The following AGBL1 variants were observed in gnomAD, a reference collection of about 807,000 sequenced individuals.
AGBL1 encodes AGBL carboxypeptidase 1.
AGBL1 carries 130 observed loss-of-function variants against 118.9 expected under a neutral mutation model. The ratio of observed to expected loss-of-function variants is 1.09; its 90% CI spans 0.95 to 1.26. The LOEUF (loss-of-function observed/expected upper bound fraction) is 1.26. Among genes scored for constraint, AGBL1 ranks in the 50% most tolerant of loss-of-function variants. The pLI is 0.00. For synonymous variants in AGBL1, 555 were observed against 478.9 expected, an observed-to-expected ratio of 1.16 and a Z score of -2.08; for missense variants, 1,584 against 1,298.1, an observed-to-expected ratio of 1.22 and a Z score of -3.38.
chr15:86,849,015 A>T (rs1196170923), intron 22 of AGBL1, among the ~76,000 whole-genome samples: 1 of 152,198 alleles, frequency 6.6e-6, no homozygotes, highest in East Asian at 1.9e-4. Flanking sequence ...TTAAGTGGCC[A>T]AACTGGAGTT....
At chr15:86,263,062 G>A (rs2079018238) in intron 10 of AGBL1, among the ~76,000 whole-genome samples, 168 bp downstream of exon 10, 1 of 152,212 alleles carries the variant, frequency 6.6e-6, no homozygotes, top group Non-Finnish European at 1.5e-5. Flanking sequence ...AGTGGGAAAA[G>A]ATGGCAAAAA....
chr15:86,294,298 T>C (rs1228255863), intron 16 of AGBL1, among the ~76,000 whole-genome samples: 2 of 149,522 alleles, frequency 1.3e-5, no homozygotes, highest in African/African-American at 5.0e-5. Flanking sequence ...ACTCAGGAGG[T>C]TGAGGCAGGA....
chr15:86,408,008 G>A (rs947037456), intron 18 of AGBL1, among the ~76,000 whole-genome samples: 6 of 152,148 alleles, frequency 3.9e-5, no homozygotes, highest in African/African-American at 1.2e-4. Context: ...AAGAAGCAGC[G>A]CAGACCAGCA....
chr15:86,982,877 A>C (rs1023755274), intron 23 of AGBL1, among the ~76,000 whole-genome samples: 3 of 152,194 alleles, frequency 2.0e-5, no homozygotes, highest in African/African-American at 7.2e-5. Context: ...TTTTTAACCA[A>C]ATGGGAAAAG....
chr15:86,293,084 A>G (rs2079572777), intron 16 of AGBL1, among the ~76,000 whole-genome samples: 1 of 152,178 alleles, frequency 6.6e-6, no homozygotes, highest in African/African-American at 2.4e-5. Context: ...TTTCCTTGCA[A>G]TTCAACTATT....
At chr15:86,526,182 A>G (rs2083259759) in intron 19 of AGBL1, among the ~76,000 whole-genome samples, 1 of 152,098 alleles carries the variant, frequency 6.6e-6, no homozygotes, top group Admixed American at 6.5e-5. Context: ...TTACGCCAGT[A>G]AGAATGGCCG....
At chr15:86,498,435 C>T (rs928333248) in intron 18 of AGBL1, among the ~76,000 whole-genome samples, 3 of 151,804 alleles carry the variant, frequency 2.0e-5, no homozygotes, top group African/African-American at 7.3e-5. Flanking sequence ...AAAAATTTTC[C>T]TCTATGACAA....
At chr15:86,282,713 A>T (rs940277607) in intron 16 of AGBL1, among the ~76,000 whole-genome samples, 8 of 152,348 alleles carry the variant, frequency 5.3e-5, no homozygotes, top group African/African-American at 1.9e-4. Flanking sequence ...ACATGTCCTG[A>T]GGAGAAACGG....
intron 21 of AGBL1, among the ~76,000 whole-genome samples, chr15:86,619,441 A>G (rs1420082940): frequency 6.6e-6 from 1 of 152,190 alleles, no homozygotes; most frequent in Non-Finnish European, 1.5e-5. Context: ...GAAATGATAA[A>G]GTTCAGATTT....
In AGBL1 at chr15:86,909,145, C is replaced by G. The variant is rs1160669196; in HGVS notation, c.*1851C>G. 1 of 152,040 alleles carries G rather than the reference C, an allele frequency of 6.6e-6. No homozygotes were observed. The highest frequency in any genetic ancestry group is 1.9e-4 in the East Asian group (1 of 5,184). 9.4% of individuals were successfully genotyped at this position (152,040 alleles called of 1,614,324 possible). On this transcript the variant is annotated 3_prime_UTR_variant, in exon 23 of 23. Coordinates refer to ENST00000614907, the MANE Select transcript of AGBL1 (RefSeq NM_001386094.1). ...ACATAATATTTCTTCTTAATCCCACCGGCTGAAAAAAATGGGCCTATAGCC... is the reference window on the plus strand; with the variant it reads ...ACATAATATTTCTTCTTAATCCCACGGGCTGAAAAAAATGGGCCTATAGCC...
At chr15:86,875,061 A>T (rs1463578398) in intron 22 of AGBL1, among the ~76,000 whole-genome samples, 1 of 152,184 alleles carries the variant, frequency 6.6e-6, no homozygotes, top group Non-Finnish European at 1.5e-5. Context: ...GGTTTAGAGG[A>T]GCTAAAAAAT....
At chr15:86,522,084 AC>A (rs2083196372) in intron 18 of AGBL1, among the ~76,000 whole-genome samples, 2 of 152,154 alleles carry the variant, frequency 1.3e-5, no homozygotes, top group Middle Eastern at 3.2e-3. Context: ...CAATCCTTTC[AC>A]TACCAGCTAG....
chr15:86,967,837 A>G (rs1029230130), intron 23 of AGBL1, among the ~76,000 whole-genome samples: 5 of 152,036 alleles, frequency 3.3e-5, no homozygotes, highest in Non-Finnish European at 7.4e-5. Context: ...ATGAACTTTA[A>G]AGTAGTTTTT....
chr15:86,114,837 C>A (rs953247554), intron 1 of AGBL1, among the ~76,000 whole-genome samples: 2 of 152,186 alleles, frequency 1.3e-5, no homozygotes, highest in South Asian at 2.1e-4. Context: ...TGAGGTCCAA[C>A]GCTACAAGTC....
intron 24 of AGBL1, among the ~76,000 whole-genome samples, chr15:86,995,442 C>T (rs1022639585): frequency 6.6e-6 from 1 of 151,984 alleles, no homozygotes; most frequent in Admixed American, 6.6e-5. Context: ...AGAAGTTAAC[C>T]AACCTGTCCA....
intron 5 of AGBL1, among the ~76,000 whole-genome samples, chr15:86,222,856 C>G (rs1459294785): frequency 2.0e-5 from 3 of 152,144 alleles, no homozygotes; most frequent in Admixed American, 6.5e-5. Flanking sequence ...GAATTGCTCT[C>G]TCAACATCGA....
chr15:86,545,270 C>T (rs763973199), intron 19 of AGBL1, among the ~76,000 whole-genome samples: 1 of 152,172 alleles, frequency 6.6e-6, no homozygotes, highest in Non-Finnish European at 1.5e-5. Context: ...GTTTGATAAG[C>T]CATTGTGTTT....
chr15:86,652,654 G>C (rs1392664684), intron 21 of AGBL1, among the ~76,000 whole-genome samples: 1 of 152,040 alleles, frequency 6.6e-6, no homozygotes, highest in Non-Finnish European at 1.5e-5. Context: ...TTTGTTTCTG[G>C]AACCCTATTC....
In AGBL1 at chr15:86,264,436, G is replaced by A. The variant is rs756846746; in HGVS notation, c.1265G>A (p.Gly422Glu). The change falls in exon 11 of 23, where the codon GGA becomes GAA. Residue 422 changes from glycine (G) to glutamate (E), a missense_variant. Physicochemically the swap from Gly to Glu is moderately conservative, Grantham distance 98. Coordinates refer to ENST00000614907, the MANE Select transcript of AGBL1 (RefSeq NM_001386094.1). ...TCCCTTCTGTGCAGGGTGAAGACGGGAAGGTCCACTGTGCATCTAGGCTCC... is the reference window on the plus strand; with the variant it reads ...TCCCTTCTGTGCAGGGTGAAGACGGAAAGGTCCACTGTGCATCTAGGCTCC... ...QTSLLCRVKT[G>E]RSTVHLGSKK... 6.2e-7 allele frequency: 1 copy of A among 1,614,034 alleles called. No homozygotes were observed. Among genetic ancestry groups the A allele is most frequent in the Middle Eastern group, 1.6e-4 (1 of 6,062 alleles).
Sources: allele counts gnomAD v4.1 joint callset (sites outside exome capture counted in the v4.1 genomes callset), GRCh38; gene constraint gnomAD v4.1.1; transcripts MANE v1.5; gene names NCBI Gene and HGNC (gene_info 2026-07-23, HGNC 2026-07-21).